Variants in NUDCD1 observed in about 807,000 individuals in gnomAD.
NUDCD1 encodes NudC domain containing 1.
A neutral mutation model predicts 67.8 loss-of-function variants in NUDCD1; 60 were observed. The observed-to-expected ratio is 0.88, with a 90% CI of 0.72 to 1.10. The LOEUF is 1.10. Among genes scored for constraint, NUDCD1 ranks in the 50% least tolerant of loss-of-function variants. The pLI, the probability that NUDCD1 is intolerant of heterozygous loss-of-function variation, is 0.00. For missense variants in NUDCD1, 643 were observed against 695.0 expected, an observed-to-expected ratio of 0.93 and a Z score of 0.84; for synonymous variants, 244 against 230.8, an observed-to-expected ratio of 1.06 and a Z score of -0.52.
In NUDCD1 at chr8:109,322,435, A is replaced by C. The variant is rs372092076; in HGVS notation, c.147T>G (p.Asp49Glu). 1.9e-6 allele frequency: 3 copies of C among 1,596,988 alleles called. No individual in the cohort carries two copies. The highest frequency in any genetic ancestry group is 2.6e-6 in the Non-Finnish European group (3 of 1,168,498). ...AAVAEVKLRD[D>E]QYTLEHMHAF... ...CATGCATGTGTTCCAGTGTATATTG[A>C]TCATCTCGAAGTTTTACCTCTGCCA... Residue 49 changes from aspartate (D) to glutamate (E), a missense_variant, in exon 2 of 10, where the codon GAT becomes GAG. Asp to Glu is a conservative substitution (Grantham distance 45). Coordinates refer to ENST00000239690, the MANE Select transcript of NUDCD1 (RefSeq NM_032869.4).
chr8:109,281,775 G>C (rs944495920), intron 5 of NUDCD1, among the ~76,000 whole-genome samples: 1 of 152,184 alleles, frequency 6.6e-6, no homozygotes, highest in African/African-American at 2.4e-5. Flanking sequence ...ATTGCAGCCT[G>C]AACTGTCCCA....
intron 6 of NUDCD1, among the ~76,000 whole-genome samples, chr8:109,277,968 C>G (rs1814336007): frequency 6.6e-6 from 1 of 152,156 alleles, no homozygotes; most frequent in African/African-American, 2.4e-5. Flanking sequence ...ATGTAAGATA[C>G]CTTTTACAAC....
intron 2 of NUDCD1, among the ~76,000 whole-genome samples, chr8:109,321,294 TATG>T (rs1335972837): frequency 6.6e-6 from 1 of 152,114 alleles, no homozygotes; most frequent in Non-Finnish European, 1.5e-5. Flanking sequence ...GTGAAAAACA[TATG>T]ATAAAATTAG....
intron 8 of NUDCD1, among the ~76,000 whole-genome samples, chr8:109,246,306 T>C (rs1466305973): frequency 6.6e-6 from 1 of 152,210 alleles, no homozygotes; most frequent in Non-Finnish European, 1.5e-5. Flanking sequence ...ATAACATTTA[T>C]AACCAGGCAT....
At chr8:109,304,021 T>TC (rs1345229687) in intron 2 of NUDCD1, among the ~76,000 whole-genome samples, 4 of 151,964 alleles carry the variant, frequency 2.6e-5, no homozygotes, top group Non-Finnish European at 5.9e-5. Flanking sequence ...CACAACCCAT[T>TC]ATTCTGTTCT....
In NUDCD1 at chr8:109,240,971, C is replaced by T. The variant is rs1182394335; in HGVS notation, c.*2038G>A. 7.9e-5 allele frequency: 12 copies of T among 151,870 alleles called. No individual in the cohort carries two copies. The highest frequency in any genetic ancestry group is 7.2e-4 in the Admixed American group (11 of 15,232). 9.4% of individuals were successfully genotyped at this position (151,870 alleles called of 1,614,324 possible). A position where few individuals can be genotyped will look rare whatever the true frequency, so the allele number is the denominator to read the frequency against. On this transcript the variant is annotated 3_prime_UTR_variant, in exon 10 of 10. Coordinates refer to ENST00000239690, the MANE Select transcript of NUDCD1 (RefSeq NM_032869.4). The stretch of plus-strand genomic sequence containing the variant: ...TACTATCATAAATATTTTATAAATT[C>T]CTATTTAAAACATGATAAAAATCAA...
At chr8:109,279,192 C>T (rs760936793) in intron 6 of NUDCD1, among the ~76,000 whole-genome samples, 11 of 152,108 alleles carry the variant, frequency 7.2e-5, no homozygotes, top group Non-Finnish European at 1.5e-4. Context: ...TATGAAACTG[C>T]TAAACAGTCT....
intron 2 of NUDCD1, among the ~76,000 whole-genome samples, chr8:109,319,198 C>A (rs1444435816): frequency 6.6e-6 from 1 of 152,078 alleles, no homozygotes; most frequent in Non-Finnish European, 1.5e-5. Flanking sequence ...TGGTCTCGAT[C>A]TCCTAACCTC....
At chr8:109,261,996 T>C (rs866983541) in intron 8 of NUDCD1, among the ~76,000 whole-genome samples, 1 of 152,130 alleles carries the variant, frequency 6.6e-6, no homozygotes, top group African/African-American at 2.4e-5. Context: ...CATGGTGTTA[T>C]GAACAGCAAT....
In NUDCD1 at chr8:109,275,440, A is replaced by G. The variant is rs34568071; in HGVS notation, c.1085T>C (p.Ile362Thr). 1,305 of 1,613,710 alleles carry G rather than the reference A, an allele frequency of 8.1e-4. 8 individuals are homozygous for G. The African/African-American group carries it at 0.015, about 19-fold the overall frequency. ...NEGLTWPELV[I>T]GDKQGELIRD... ...TATAAGTTCCCCTTGTTTATCTCCA[A>G]TTACTAGCTCTGGCCAGGTCAGTCC... Residue 362 changes from isoleucine to threonine, a missense_variant, in exon 7 of 10, where the codon ATT becomes ACT. Coordinates refer to ENST00000239690, the MANE Select transcript of NUDCD1 (RefSeq NM_032869.4).
intron 8 of NUDCD1, among the ~76,000 whole-genome samples, chr8:109,270,510 T>C (rs989047588): frequency 4.0e-4 from 61 of 152,256 alleles, no homozygotes; most frequent in Middle Eastern, 3.4e-3. Flanking sequence ...AACTCGTTAT[T>C]AGATAAATAT....
At chr8:109,294,607 T>A (rs1367627944) in intron 3 of NUDCD1, among the ~76,000 whole-genome samples, 1 of 151,804 alleles carries the variant, frequency 6.6e-6, no homozygotes, top group Non-Finnish European at 1.5e-5. Flanking sequence ...CTAGTATGAG[T>A]GAAAGGAACT....
chr8:109,307,881 A>C (rs932794139), intron 2 of NUDCD1, among the ~76,000 whole-genome samples: 2 of 152,230 alleles, frequency 1.3e-5, no homozygotes, highest in Non-Finnish European at 2.9e-5. Context: ...GCAAAGAGGG[A>C]CATTATACAA....
At chr8:109,280,099 A>G (rs999696090) in intron 6 of NUDCD1, among the ~76,000 whole-genome samples, 1 of 152,248 alleles carries the variant, frequency 6.6e-6, no homozygotes, top group Non-Finnish European at 1.5e-5. Context: ...GTGAAATAAT[A>G]TGTATATAAA....
intron 1 of NUDCD1, among the ~76,000 whole-genome samples, chr8:109,323,421 G>T (rs1297263721): frequency 1.3e-5 from 2 of 152,000 alleles, no homozygotes; most frequent in African/African-American, 4.8e-5. Context: ...ACAGTGATGA[G>T]CCAAGAATGG....
chr8:109,324,808 C>T (rs548331651), intron 1 of NUDCD1, among the ~76,000 whole-genome samples: 7 of 152,274 alleles, frequency 4.6e-5, no homozygotes, highest in South Asian at 2.1e-4. Context: ...GGCACAAGGC[C>T]GGGCGCCGAG....
intron 5 of NUDCD1, among the ~76,000 whole-genome samples, chr8:109,282,138 T>C (rs190616311): frequency 6.6e-5 from 10 of 152,162 alleles, no homozygotes; most frequent in African/African-American, 1.9e-4. Flanking sequence ...GGGGGATCTG[T>C]AGGCAGATCT....
At chr8:109,258,373 C>A (rs920764600) in intron 8 of NUDCD1, among the ~76,000 whole-genome samples, 4 of 151,740 alleles carry the variant, frequency 2.6e-5, no homozygotes, top group Non-Finnish European at 5.9e-5. Context: ...GTCAAACCCA[C>A]AAAATGCATA....
At chr8:109,300,343 C>CA (rs34987726) in intron 2 of NUDCD1, among the ~76,000 whole-genome samples, 11 of 150,714 alleles carry the variant, frequency 7.3e-5, no homozygotes, top group South Asian at 2.1e-4. Context: ...CGTAAGGAAA[C>CA]AAAAAAAAAT....
Sources: gnomAD v4.1 joint callset for allele counts (sites outside exome capture counted in the v4.1 genomes callset) on GRCh38, gnomAD v4.1.1 for gene constraint, MANE v1.5 for transcripts, NCBI Gene and HGNC (gene_info 2026-07-23, HGNC 2026-07-21) for gene names.